SCD5: variants seen among roughly 807,000 people sequenced by gnomAD.
SCD5 encodes the protein acyl-CoA-desaturase 4.
Under a neutral mutation model 30.4 loss-of-function variants are expected in SCD5, and 20 were observed. The observed-to-expected ratio is 0.66, with a 90% CI of 0.46 to 0.96. The LOEUF (loss-of-function observed/expected upper bound fraction) is 0.96, where lower values mean the gene tolerates loss of function less well. Among genes scored for constraint, SCD5 ranks in the 40% least tolerant of loss-of-function variants. The probability of loss-of-function intolerance (pLI) is 0.00; values close to 1 mark genes in which losing one functional copy is unlikely to be tolerated. For missense variants in SCD5, 381 were observed against 443.3 expected, an observed-to-expected ratio of 0.86 and a Z score of 1.26; for synonymous variants, 173 against 176.4, an observed-to-expected ratio of 0.98 and a Z score of 0.16.
chr4:82,764,798 C>T (rs557578361), intron 1 of SCD5, among the ~76,000 whole-genome samples: 45 of 150,868 alleles, frequency 3.0e-4, no homozygotes, highest in Admixed American at 2.8e-3. Flanking sequence ...GCAATCTTAG[C>T]TCACTGCAAC....
At chr4:82,760,877 A>C (rs1050009116) in intron 1 of SCD5, among the ~76,000 whole-genome samples, 1 of 152,240 alleles carries the variant, frequency 6.6e-6, no homozygotes, top group Non-Finnish European at 1.5e-5. Flanking sequence ...TGCCTGGTTC[A>C]TTCCTTTTTA....
At chr4:82,635,428 G>A (rs1727404327) in intron 4 of SCD5, among the ~76,000 whole-genome samples, 1 of 151,936 alleles carries the variant, frequency 6.6e-6, no homozygotes, top group Non-Finnish European at 1.5e-5. Flanking sequence ...AACCATCCTG[G>A]CTAACACGGT....
intron 1 of SCD5, among the ~76,000 whole-genome samples, chr4:82,788,398 T>A (rs533713078): frequency 1.1e-4 from 17 of 152,256 alleles, no homozygotes; most frequent in East Asian, 7.7e-4. Context: ...AGACTTTTTT[T>A]AAAATCTTTT....
rs777776059 is a variant in SCD5 at position 82,798,366 on chromosome 4, A to G, written c.172T>C (p.Leu58=). The G allele has an allele frequency of 5.0e-5, 81 of 1,613,340 alleles. 1 individual carries two copies. In the South Asian group the frequency reaches 7.7e-4, roughly 15 times the overall value. The change falls in exon 1 of 5, where the codon TTG becomes CTG. Residue 58 remains leucine (L), a synonymous_variant. Transcript: ENST00000319540. ...AGCACCAGGGAGTACACGGCCCCCA[A>G]GTGGAGCAAGCTCATCAGGACGACA... ...RNVVLMSLLH[L]GAVYSLVLIP...
chr4:82,747,073 C>CCCCCCG (rs770301783), intron 1 of SCD5, among the ~76,000 whole-genome samples: 1 of 149,698 alleles, frequency 6.7e-6, no homozygotes, highest in South Asian at 2.2e-4. Context: ...CAACCTGCCC[C>CCCCCCG]CCAAGAAAGA....
intron 1 of SCD5, among the ~76,000 whole-genome samples, chr4:82,790,173 C>A (rs951889669): frequency 3.3e-5 from 5 of 152,180 alleles, no homozygotes; most frequent in African/African-American, 9.7e-5. Flanking sequence ...ACACATCCCA[C>A]CGACAAGTGC....
At position 82,667,287 on chromosome 4, in the gene SCD5, C is replaced by CAT. The variant is rs1491434548; in HGVS notation, c.569+13419_569+13420insAT. 3.6e-3 allele frequency among the ~76,000 whole-genome samples: 519 copies of CAT among 142,494 alleles called. 8 individuals are homozygous for CAT. The highest frequency in any genetic ancestry group is 0.013 in the African/African-American group (494 of 39,180). The allele number at this position is 142,494 out of a possible 152,430, so 93.5% of individuals were successfully genotyped here. ...ATTTTTATACACACACACACACACA[C>CAT]GCACGCACGCACGCATGCAAATTCT... is the stretch of plus-strand genomic sequence containing the variant. On this transcript the variant is annotated intron_variant, in intron 3 of 4. Transcript: ENST00000319540.
chr4:82,738,732 G>C (rs1720806424), intron 1 of SCD5, among the ~76,000 whole-genome samples: 2 of 152,180 alleles, frequency 1.3e-5, no homozygotes, highest in South Asian at 2.1e-4. Flanking sequence ...CTCCACTGTA[G>C]TAGATACAAC....
intron 1 of SCD5, among the ~76,000 whole-genome samples, chr4:82,772,095 G>A (rs949419436): frequency 6.6e-6 from 1 of 152,200 alleles, no homozygotes; most frequent in Admixed American, 6.5e-5. Flanking sequence ...TTTTGATGGC[G>A]ATTTCAGCAG....
intron 2 of SCD5, among the ~76,000 whole-genome samples, chr4:82,702,134 T>C (rs1719861205): frequency 1.7e-5 from 1 of 58,114 alleles, no homozygotes; most frequent in African/African-American, 1.2e-4. Context: ...CATCATCTTT[T>C]TTTTTTTTTT....
chr4:82,778,279 C>T (rs1046536936), intron 1 of SCD5, among the ~76,000 whole-genome samples: 3 of 152,134 alleles, frequency 2.0e-5, no homozygotes, highest in Non-Finnish European at 4.4e-5. Context: ...GCCTCCAGAA[C>T]CCACCCTGCC....
intron 3 of SCD5, among the ~76,000 whole-genome samples, chr4:82,655,944 C>T (rs1392966463): frequency 6.6e-6 from 1 of 151,998 alleles, no homozygotes; most frequent in Non-Finnish European, 1.5e-5. Context: ...GGTTCAGAGA[C>T]CACCCAAATC....
intron 3 of SCD5, among the ~76,000 whole-genome samples, chr4:82,676,395 T>C (rs1440343027): frequency 2.6e-5 from 4 of 152,158 alleles, no homozygotes; most frequent in Admixed American, 1.3e-4. Context: ...CATTTGCAGG[T>C]TTCAAGCTAG....
chr4:82,782,337 T>A (rs887184244), intron 1 of SCD5, among the ~76,000 whole-genome samples: 4 of 152,020 alleles, frequency 2.6e-5, no homozygotes, highest in African/African-American at 9.7e-5. Flanking sequence ...GCAGAAATCC[T>A]GAAATACAGC....
intron 1 of SCD5, among the ~76,000 whole-genome samples, chr4:82,774,749 TTC>T (rs1308514554): frequency 6.6e-6 from 1 of 152,152 alleles, no homozygotes; most frequent in Admixed American, 6.5e-5. Flanking sequence ...AGTCTCTTGG[TTC>T]TGTTTCTCTC....
At chr4:82,689,401 A>G (rs947542316) in intron 2 of SCD5, among the ~76,000 whole-genome samples, 1 of 152,218 alleles carries the variant, frequency 6.6e-6, no homozygotes, top group Non-Finnish European at 1.5e-5. Context: ...AAATACTAAA[A>G]AAAAAGAGGC....
intron 2 of SCD5, among the ~76,000 whole-genome samples, chr4:82,693,573 A>C (rs1249748788): frequency 6.6e-6 from 1 of 152,148 alleles, no homozygotes; most frequent in African/African-American, 2.4e-5. Context: ...ATAAATAAAT[A>C]AATCAGTGGC....
chr4:82,660,486 A>G, intron 3 of SCD5: 1 of 976,702 alleles, frequency 1.0e-6, no homozygotes, highest in South Asian at 4.4e-5. Flanking sequence ...GTTTTTATAA[A>G]TGGAATATCT....
At chr4:82,778,170 A>G (rs1213629849) in intron 1 of SCD5, among the ~76,000 whole-genome samples, 4 of 152,056 alleles carry the variant, frequency 2.6e-5, no homozygotes, top group African/African-American at 9.7e-5. Context: ...TGAACAATGA[A>G]AACACATGAA....
Sources: allele counts gnomAD v4.1 joint callset (sites outside exome capture counted in the v4.1 genomes callset), GRCh38; gene constraint gnomAD v4.1.1; transcripts MANE v1.5; gene names NCBI Gene and HGNC (gene_info 2026-07-23, HGNC 2026-07-21).